PTPRK: variants seen among roughly 807,000 people sequenced by gnomAD.
PTPRK encodes the protein receptor-type tyrosine-protein phosphatase kappa.
A neutral mutation model predicts 178.0 loss-of-function variants in PTPRK; 75 were observed. The ratio of observed to expected loss-of-function variants is 0.42; its 90% CI spans 0.35 to 0.51. PTPRK has a LOEUF of 0.51. PTPRK is among the 20% of genes least tolerant of loss of function. The probability of loss-of-function intolerance (pLI) is 0.02; values close to 1 mark genes in which losing one functional copy is unlikely to be tolerated. For synonymous variants in PTPRK, 637 were observed against 620.6 expected, an observed-to-expected ratio of 1.03 and a Z score of -0.39; for missense variants, 1,441 against 1,797.8, an observed-to-expected ratio of 0.80 and a Z score of 3.59.
intron 6 of PTPRK, among the ~76,000 whole-genome samples, chr6:128,208,658 C>T (rs964517283): frequency 3.9e-5 from 6 of 152,116 alleles, no homozygotes; most frequent in African/African-American, 1.2e-4. Flanking sequence ...ACTGTGCTTT[C>T]ATCCACAGTT....
At chr6:128,175,416 G>A (rs1244569225) in intron 7 of PTPRK, among the ~76,000 whole-genome samples, 1 of 151,750 alleles carries the variant, frequency 6.6e-6, no homozygotes, top group Non-Finnish European at 1.5e-5. Context: ...CTTCACCGCG[G>A]CTTTTACAAT....
At chr6:128,474,789 G>T (rs542212757) in intron 1 of PTPRK, among the ~76,000 whole-genome samples, 1 of 152,142 alleles carries the variant, frequency 6.6e-6, no homozygotes, top group African/African-American at 2.4e-5. Context: ...ATCATGTATG[G>T]GTGTTGCGAA....
intron 3 of PTPRK, among the ~76,000 whole-genome samples, chr6:128,315,455 T>G (rs1240537606): frequency 1.3e-5 from 2 of 152,110 alleles, no homozygotes; most frequent in East Asian, 3.9e-4. Flanking sequence ...CAGTGGTGTG[T>G]GCAATGATTA....
At chr6:128,188,285 A>G (rs1433473788) in intron 6 of PTPRK, among the ~76,000 whole-genome samples, 1 of 152,156 alleles carries the variant, frequency 6.6e-6, no homozygotes, top group Non-Finnish European at 1.5e-5. Flanking sequence ...GAAATCAAGC[A>G]AATCATTATG....
At chr6:127,997,850 A>G (rs1279796263) in intron 16 of PTPRK, among the ~76,000 whole-genome samples, 1 of 152,148 alleles carries the variant, frequency 6.6e-6, no homozygotes, top group Non-Finnish European at 1.5e-5. Context: ...TAATCCATAG[A>G]TAAAATATGG....
intron 2 of PTPRK, among the ~76,000 whole-genome samples, chr6:128,395,874 T>C (rs944807222): frequency 6.6e-6 from 1 of 152,008 alleles, no homozygotes; most frequent in Non-Finnish European, 1.5e-5. Flanking sequence ...CAATTCAGAG[T>C]AAAAAGCAAA....
rs189772014 is a variant in PTPRK, at chr6:128,433,424, C to A, written c.101-35736G>T. Among the ~76,000 whole-genome samples the A allele has an allele frequency of 8.1e-4, 124 of 152,232 alleles. No individual in the cohort carries two copies. In the East Asian group the frequency reaches 0.012, roughly 15 times the overall value. On this transcript the variant is annotated intron_variant, in intron 1 of 29. Transcript: ENST00000368226. ...ATTTCACTTACCATAGTGAACTCCA[C>A]GTCCATCCCTGCTGTTGCAAATGAC...
intron 21 of PTPRK, among the ~76,000 whole-genome samples, chr6:127,989,009 A>T (rs1212306817): frequency 6.6e-6 from 1 of 152,088 alleles, no homozygotes; most frequent in Non-Finnish European, 1.5e-5. Context: ...TTTTGAGGAA[A>T]TCATTCAAGG....
At chr6:128,334,946 G>C (rs1023353615) in intron 2 of PTPRK, among the ~76,000 whole-genome samples, 39 of 152,094 alleles carry the variant, frequency 2.6e-4, no homozygotes, top group African/African-American at 6.8e-4. Context: ...AAATTAGCCA[G>C]GCGTGGTGGC....
chr6:128,404,516 T>C (rs1290176810), intron 1 of PTPRK, among the ~76,000 whole-genome samples: 1 of 152,238 alleles, frequency 6.6e-6, no homozygotes, highest in East Asian at 1.9e-4. Context: ...ATCAGTTCTT[T>C]GTTTTAAATA....
chr6:128,314,233 TTCTAA>T (rs1271529165), intron 3 of PTPRK, among the ~76,000 whole-genome samples: 1 of 152,208 alleles, frequency 6.6e-6, no homozygotes, highest in Non-Finnish European at 1.5e-5. Context: ...ACTTGTTGTA[TTCTAA>T]TCTTTTTCTC....
intron 6 of PTPRK, among the ~76,000 whole-genome samples, chr6:128,208,599 A>T (rs1807429603): frequency 6.6e-6 from 1 of 152,160 alleles, no homozygotes; most frequent in Admixed American, 6.6e-5. Flanking sequence ...AAAAGACATC[A>T]TATTTAACTG....
intron 19 of PTPRK, 110 bp downstream of exon 19, chr6:127,992,563 G>T: frequency 1.2e-6 from 1 of 816,792 alleles, no homozygotes; most frequent in South Asian, 1.7e-5. Flanking sequence ...TTAATCAGAA[G>T]GGCTGATTTT....
chr6:127,989,596 T>G (rs1239100427), intron 21 of PTPRK, among the ~76,000 whole-genome samples: 2 of 152,028 alleles, frequency 1.3e-5, no homozygotes, highest in African/African-American at 4.8e-5. Context: ...ATTTTAAAGC[T>G]CTGGAGATAT....
intron 2 of PTPRK, among the ~76,000 whole-genome samples, chr6:128,334,630 A>G (rs927402731): frequency 2.6e-5 from 4 of 152,234 alleles, no homozygotes; most frequent in African/African-American, 9.6e-5. Flanking sequence ...AACAAGGATC[A>G]TCAGGTCACA....
At chr6:128,275,906 T>G (rs1820648459) in intron 3 of PTPRK, among the ~76,000 whole-genome samples, 1 of 152,080 alleles carries the variant, frequency 6.6e-6, no homozygotes, top group African/African-American at 2.4e-5. Context: ...CATGATATAT[T>G]TTTTGCCTTT....
At chr6:128,487,974 G>A (rs1853212092) in intron 1 of PTPRK, among the ~76,000 whole-genome samples, 1 of 152,214 alleles carries the variant, frequency 6.6e-6, no homozygotes, top group East Asian at 1.9e-4. Flanking sequence ...ATGTGAAGGG[G>A]AATTTACTAA....
In PTPRK at chr6:128,121,771, T is replaced by C. The variant is rs962052788; in HGVS notation, c.1163-31779A>G. Among the ~76,000 whole-genome samples, 20 of 152,144 alleles carry C rather than the reference T, an allele frequency of 1.3e-4. No individual in the cohort carries two copies. The East Asian group carries it at 1.9e-3, about 15-fold the overall frequency. ...TCTTTTAATGTGCGGGGTTTTTTTT[T>C]CCCCATCCCAGCAATCAACTTGAAG... On this transcript the variant is annotated intron_variant, in intron 7 of 29. Coordinates refer to ENST00000368226, the MANE Select transcript of PTPRK (RefSeq NM_002844.4).
intron 7 of PTPRK, among the ~76,000 whole-genome samples, chr6:128,094,539 C>A (rs62427862): frequency 0.049 from 7,469 of 152,082 alleles, 243 homozygotes; most frequent in Non-Finnish European, 0.076. Context: ...AGAGAAAGTT[C>A]AAGAAGAGAC....
Sources: gnomAD v4.1 joint callset for allele counts (sites outside exome capture counted in the v4.1 genomes callset) on GRCh38, gnomAD v4.1.1 for gene constraint, MANE v1.5 for transcripts, NCBI Gene and HGNC (gene_info 2026-07-23, HGNC 2026-07-21) for gene names.